DENND1A: variants seen among roughly 807,000 people sequenced by gnomAD.
DENND1A encodes DENN domain-containing protein 1A.
DENND1A carries 51 observed loss-of-function variants against 113.7 expected under a neutral mutation model. The observed-to-expected ratio is 0.45, with a 90% CI of 0.36 to 0.57. The LOEUF (loss-of-function observed/expected upper bound fraction) is 0.57. Among genes scored for constraint, DENND1A ranks in the 20% least tolerant of loss-of-function variants. The probability of loss-of-function intolerance (pLI) is 0.00; values close to 1 mark genes in which losing one functional copy is unlikely to be tolerated. For synonymous variants in DENND1A, 565 were observed against 570.8 expected (o/e 0.99, Z 0.14); for missense variants, 1,258 against 1,395.9 (o/e 0.90, Z 1.57).
At chr9:123,675,109 T>C (rs1194803283) in intron 6 of DENND1A, among the ~76,000 whole-genome samples, 1 of 152,204 alleles carries the variant, frequency 6.6e-6, no homozygotes, top group Non-Finnish European at 1.5e-5. Context: ...CTTTTCACAG[T>C]GAGTGTAGTG....
chr9:123,736,275 G>C (rs780067823), intron 5 of DENND1A, among the ~76,000 whole-genome samples: 1 of 152,190 alleles, frequency 6.6e-6, no homozygotes, highest in Non-Finnish European at 1.5e-5. Flanking sequence ...TCTGGAAGGA[G>C]AGAAGCCCAG....
At chr9:123,670,098 A>G (rs533693339) in intron 7 of DENND1A, among the ~76,000 whole-genome samples, 22 of 152,340 alleles carry the variant, frequency 1.4e-4, no homozygotes, top group African/African-American at 5.0e-4. Context: ...AGTATAAATT[A>G]GGAATTTATT....
intron 11 of DENND1A, among the ~76,000 whole-genome samples, chr9:123,583,595 G>T (rs774957105): frequency 6.6e-6 from 1 of 152,120 alleles, no homozygotes. Context: ...TTTAACAGAC[G>T]CTGAGGTCAA....
chr9:123,495,171 T>TCTCTCTCTCTCTCTCTCTC (rs1564598042), intron 13 of DENND1A, among the ~76,000 whole-genome samples: 4 of 76,292 alleles, frequency 5.2e-5, no homozygotes, highest in African/African-American at 2.7e-4. Flanking sequence ...CTCTCTCTCT[T>TCTCTCTCTCTCTCTCTCTC]ATAATGTCTG....
rs1348190302 is a variant in DENND1A at position 123,530,422 on chromosome 9, T to G, written c.993+27148A>C. The stretch of plus-strand genomic sequence containing the variant: ...CTTCAAGGGGCAAAAGGAAAATAAT[T>G]GTCAATGTACCGTTTCATACCCAGA... On this transcript the variant is annotated intron_variant, in intron 13 of 23. Transcript: ENST00000394215. Among the ~76,000 whole-genome samples, 8 of 152,260 alleles carry G rather than the reference T, an allele frequency of 5.3e-5. No individual in the cohort carries two copies. In the East Asian group the frequency reaches 1.5e-3, roughly 29 times the overall value.
At chr9:123,711,513 GTATA>G (rs56814463) in intron 5 of DENND1A, among the ~76,000 whole-genome samples, 15,048 of 120,982 alleles carry the variant, frequency 0.12, 1,316 homozygotes, top group African/African-American at 0.24. Context: ...ATGTATATAT[GTATA>G]TATATATATA....
At chr9:123,554,332 C>T (rs1188633200) in intron 13 of DENND1A, among the ~76,000 whole-genome samples, 1 of 152,166 alleles carries the variant, frequency 6.6e-6, no homozygotes, top group South Asian at 2.1e-4. Flanking sequence ...AAGTGGTCCT[C>T]CTGTCAGCCT....
intron 1 of DENND1A, chr9:123,928,903 T>C (rs1200900500): frequency 4.1e-6 from 4 of 985,354 alleles, no homozygotes; most frequent in Non-Finnish European, 4.8e-6. Flanking sequence ...GAAAAGCCTA[T>C]GCTGTCAACT....
At chr9:123,504,984 A>T (rs1331554981) in intron 13 of DENND1A, among the ~76,000 whole-genome samples, 1 of 152,156 alleles carries the variant, frequency 6.6e-6, no homozygotes, top group Non-Finnish European at 1.5e-5. Flanking sequence ...TGACACAAGA[A>T]CCCACCCCCC....
chr9:123,507,506 A>G (rs892267443), intron 13 of DENND1A, among the ~76,000 whole-genome samples: 1 of 152,140 alleles, frequency 6.6e-6, no homozygotes, highest in African/African-American at 2.4e-5. Flanking sequence ...GATATGTGAG[A>G]TTACAAGTTC....
At chr9:123,554,306 T>A (rs1426477832) in intron 13 of DENND1A, among the ~76,000 whole-genome samples, 1 of 152,150 alleles carries the variant, frequency 6.6e-6, no homozygotes, top group Non-Finnish European at 1.5e-5. Context: ...TACTGCAGCC[T>A]CAAACTCCTG....
At chr9:123,731,465 G>A (rs774751206) in intron 5 of DENND1A, among the ~76,000 whole-genome samples, 1 of 152,010 alleles carries the variant, frequency 6.6e-6, no homozygotes, top group Non-Finnish European at 1.5e-5. Context: ...GAGAAAAGAT[G>A]GTCTTTTCAA....
At chr9:123,777,839 T>C (rs927318845) in intron 3 of DENND1A, among the ~76,000 whole-genome samples, 8 of 152,202 alleles carry the variant, frequency 5.3e-5, no homozygotes, top group Non-Finnish European at 1.0e-4. Flanking sequence ...AAATCTGCTT[T>C]TGAGAGAGAA....
chr9:123,836,151 A>G (rs1049637648), intron 2 of DENND1A, among the ~76,000 whole-genome samples: 1 of 152,198 alleles, frequency 6.6e-6, no homozygotes, highest in African/African-American at 2.4e-5. Flanking sequence ...TAGATAAACA[A>G]GCTGTTAGCA....
At chr9:123,705,950 A>G (rs542427361) in intron 5 of DENND1A, among the ~76,000 whole-genome samples, 12 of 152,256 alleles carry the variant, frequency 7.9e-5, no homozygotes, top group South Asian at 2.1e-4. Flanking sequence ...GAGAACTGAG[A>G]AAACAGTGTC....
chr9:123,566,760 T>A (rs2058073791), intron 12 of DENND1A, among the ~76,000 whole-genome samples: 1 of 152,188 alleles, frequency 6.6e-6, no homozygotes, highest in Admixed American at 6.5e-5. Context: ...TTAATCTGAG[T>A]ATCTCACCAT....
At chr9:123,650,139 C>T (rs2062565702) in intron 9 of DENND1A, among the ~76,000 whole-genome samples, 1 of 152,130 alleles carries the variant, frequency 6.6e-6, no homozygotes, top group Non-Finnish European at 1.5e-5. Context: ...TGACAATATT[C>T]TCATTCTGAA....
chr9:123,438,267 A>G (rs2046671121), intron 19 of DENND1A, among the ~76,000 whole-genome samples: 1 of 152,192 alleles, frequency 6.6e-6, no homozygotes, highest in African/African-American at 2.4e-5. Context: ...GAGTTAAAAG[A>G]AAGGGGTCTG....
At chr9:123,518,532 A>C (rs2134891489) in intron 13 of DENND1A, among the ~76,000 whole-genome samples, 1 of 152,286 alleles carries the variant, frequency 6.6e-6, no homozygotes, top group Non-Finnish European at 1.5e-5. Context: ...GCTCAGCTAA[A>C]TGCTGTGACC....
Sources: gnomAD v4.1 joint callset for allele counts (sites outside exome capture counted in the v4.1 genomes callset) on GRCh38, gnomAD v4.1.1 for gene constraint, MANE v1.5 for transcripts, NCBI Gene and HGNC (gene_info 2026-07-23, HGNC 2026-07-21) for gene names.